Variants in GSE1 observed in about 807,000 individuals in gnomAD.
The protein encoded by GSE1 is genetic suppressor element 1.
In GSE1, 32 loss-of-function variants were observed where a neutral mutation model predicts 112.6. The ratio of observed to expected loss-of-function variants is 0.28; its 90% CI spans 0.21 to 0.38. GSE1 has a LOEUF of 0.38. GSE1 is among the 10% of genes least tolerant of loss of function. The pLI is 1.00. For synonymous variants in GSE1, 1,115 were observed against 735.6 expected (o/e 1.52, Z -8.35); for missense variants, 2,348 against 1,699.2 (o/e 1.38, Z -6.71).
Position 85,255,319 on chromosome 16 carries a change from G to A in GSE1, c.2283+83512G>A, listed in dbSNP as rs558779113. ...CCCAGCTGCCGGCCCAGCCTGACCCGCTGCCTTCTGGCTGTGTGGTCCAGG... is the reference window on the plus strand; with the variant it reads ...CCCAGCTGCCGGCCCAGCCTGACCCACTGCCTTCTGGCTGTGTGGTCCAGG... On this transcript the variant is annotated intron_variant, in intron 1 of 2. Coordinates refer to the GSE1 transcript ENST00000637419. 1.1e-3 allele frequency among the ~76,000 whole-genome samples: 169 copies of A among 152,212 alleles called. 3 individuals carry two copies. In the Middle Eastern group the frequency reaches 0.017, roughly 15 times the overall value.
At chr16:85,546,125 C>T (rs1368815431) in intron 2 of GSE1, among the ~76,000 whole-genome samples, 1 of 151,932 alleles carries the variant, frequency 6.6e-6, no homozygotes, top group Admixed American at 6.6e-5. Flanking sequence ...AGCTCTGTTG[C>T]CCAGGCTAGA....
chr16:85,491,051 C>A (rs1230239572), intron 2 of GSE1, among the ~76,000 whole-genome samples: 3 of 152,208 alleles, frequency 2.0e-5, no homozygotes, highest in South Asian at 4.1e-4. Flanking sequence ...CCAAAGCCCT[C>A]CTTGAGGTAG....
intron 2 of GSE1, among the ~76,000 whole-genome samples, chr16:85,504,641 A>T (rs573394710): frequency 6.6e-6 from 1 of 152,384 alleles, no homozygotes; most frequent in South Asian, 2.1e-4. Flanking sequence ...TTTTAAACAC[A>T]AATAAGAAAT....
intron 1 of GSE1, among the ~76,000 whole-genome samples, chr16:85,575,225 G>A (rs2046179774): frequency 6.6e-6 from 1 of 152,222 alleles, no homozygotes; most frequent in African/African-American, 2.4e-5. Context: ...AGGGCAGGCA[G>A]GTGGCAGCCA....
chr16:85,355,235 AC>A (rs72327116), intron 1 of GSE1, among the ~76,000 whole-genome samples: 2,891 of 151,936 alleles, frequency 0.019, 76 homozygotes, highest in African/African-American at 0.06. Context: ...GAAAAAAAAA[AC>A]AAAAAACCGG....
rs749242170 is a variant in GSE1 at position 85,665,082 on chromosome 16, C to T, written c.2712C>T (p.Asp904=). The change falls in exon 12 of 16, where the codon GAC becomes GAT. Residue 904 remains aspartate (D), a synonymous_variant. Coordinates refer to ENST00000253458, the MANE Select transcript of GSE1 (RefSeq NM_014615.5). ...KQKALSAAVA[D]SLTNSPRDSP... is the part of the protein sequence containing the mutation. ...AGGCACTGTCAGCAGCAGTGGCCGA[C>T]TCCTTGACAAACTCTCCGAGGGACA... 81 of 1,612,420 alleles carry T rather than the reference C, an allele frequency of 5.0e-5. No individual in the cohort carries two copies. The highest frequency in any genetic ancestry group is 6.8e-5 in the Non-Finnish European group (80 of 1,178,792).
intron 1 of GSE1, among the ~76,000 whole-genome samples, chr16:85,212,372 C>T (rs982753828): frequency 1.3e-5 from 2 of 152,126 alleles, no homozygotes; most frequent in Non-Finnish European, 2.9e-5. Flanking sequence ...CGCCACTGCA[C>T]TCCAACCTGG....
At chr16:85,654,607 C>T (rs1479045386) in intron 4 of GSE1, among the ~76,000 whole-genome samples, 157 bp downstream of exon 4, 3 of 152,138 alleles carry the variant, frequency 2.0e-5, no homozygotes, top group East Asian at 1.9e-4. Flanking sequence ...CTGTCTGTGC[C>T]CCTTCACACT....
At chr16:85,310,375 G>A (rs2045804303) in intron 1 of GSE1, among the ~76,000 whole-genome samples, 1 of 152,226 alleles carries the variant, frequency 6.6e-6, no homozygotes, top group Non-Finnish European at 1.5e-5. Context: ...AGAAACAGTA[G>A]CTACTTTATT....
intron 14 of GSE1, among the ~76,000 whole-genome samples, chr16:85,668,734 G>A (rs528952713): frequency 1.3e-5 from 2 of 152,316 alleles, no homozygotes; most frequent in East Asian, 3.9e-4. Flanking sequence ...CTTCGTGTAA[G>A]GGTCCTGGGA....
intron 2 of GSE1, among the ~76,000 whole-genome samples, chr16:85,499,204 A>G (rs985293255): frequency 6.6e-6 from 1 of 151,760 alleles, no homozygotes; most frequent in African/African-American, 2.4e-5. Flanking sequence ...GGCACAGTGA[A>G]GCTCATAGGA....
Position 85,656,374 on chromosome 16 carries a change from A to AGGGAGC in GSE1, c.1023_1028dup (p.Arg351_Glu352dup). 3 of 1,601,454 alleles carry AGGGAGC rather than the reference A, an allele frequency of 1.9e-6. No homozygotes were observed. Among genetic ancestry groups the AGGGAGC allele is most frequent in the Non-Finnish European group, 1.7e-6 (2 of 1,174,806 alleles). ...GATGGACGAGGAGCTAAGGCGGGAGAGGGAGCGCGAGCGCGAGCGCGAGCG... is the reference window on the plus strand; with the variant it reads ...GATGGACGAGGAGCTAAGGCGGGAGAGGGAGCGGGAGCGCGAGCGCGAGCGCGAGCG... On this transcript the variant is annotated inframe_insertion, in exon 7 of 16. Coordinates refer to ENST00000253458, the MANE Select transcript of GSE1 (RefSeq NM_014615.5).
intron 1 of GSE1, among the ~76,000 whole-genome samples, chr16:85,294,223 C>A (rs751592278): frequency 6.6e-6 from 1 of 152,190 alleles, no homozygotes; most frequent in East Asian, 1.9e-4. Flanking sequence ...CTCTTGAAAA[C>A]CTGATGCTTC....
chr16:85,230,205 T>A (rs1265514823), intron 1 of GSE1, among the ~76,000 whole-genome samples: 1 of 152,344 alleles, frequency 6.6e-6, no homozygotes, highest in Non-Finnish European at 1.5e-5. Flanking sequence ...TTTAACCCCA[T>A]GCTGGCATTG....
chr16:85,302,316 A>G (rs1313615220), intron 1 of GSE1, among the ~76,000 whole-genome samples: 2 of 152,150 alleles, frequency 1.3e-5, no homozygotes, highest in Non-Finnish European at 2.9e-5. Context: ...GCCACGATTT[A>G]TCCCACCTGC....
intron 1 of GSE1, among the ~76,000 whole-genome samples, chr16:85,604,034 G>A (rs919649378): frequency 3.3e-5 from 5 of 152,092 alleles, no homozygotes; most frequent in South Asian, 2.1e-4. Context: ...GCTCAGCTTC[G>A]GGGGAGGCCC....
chr16:85,235,592 G>A, intron 1 of GSE1, among the ~76,000 whole-genome samples: 1 of 146,930 alleles, frequency 6.8e-6, no homozygotes, highest in Non-Finnish European at 1.5e-5. Flanking sequence ...GGGGGCGCGT[G>A]TTCTCGCCCC....
At chr16:85,388,588 G>GTGGA (rs1162836759) in intron 2 of GSE1, among the ~76,000 whole-genome samples, 1 of 148,650 alleles carries the variant, frequency 6.7e-6, no homozygotes, top group Non-Finnish European at 1.5e-5. Flanking sequence ...GGATGGGTGG[G>GTGGA]TGGATGGATG....
At chr16:85,488,067 C>T (rs2050898938) in intron 2 of GSE1, among the ~76,000 whole-genome samples, 2 of 152,152 alleles carry the variant, frequency 1.3e-5, no homozygotes, top group South Asian at 4.1e-4. Flanking sequence ...GTCTTGGAGT[C>T]TGTGGCTGTC....
Sources: gnomAD v4.1 joint callset for allele counts (sites outside exome capture counted in the v4.1 genomes callset) on GRCh38, gnomAD v4.1.1 for gene constraint, MANE v1.5 for transcripts, NCBI Gene and HGNC (gene_info 2026-07-23, HGNC 2026-07-21) for gene names.